Variants in FBN2 observed in about 807,000 individuals in gnomAD.
The protein encoded by FBN2 is fibrillin-2.
In FBN2, 105 loss-of-function variants were observed where a neutral mutation model predicts 355.6. The observed-to-expected ratio is 0.30, with a 90% CI of 0.25 to 0.35. The LOEUF (loss-of-function observed/expected upper bound fraction) is 0.35. Ranked by LOEUF, FBN2 falls within the 10% of genes least tolerant of loss-of-function variation. FBN2 has a pLI of 1.00. For synonymous variants in FBN2, 1,350 were observed against 1,301.2 expected (o/e 1.04, Z -0.81); for missense variants, 3,280 against 3,758.7 (o/e 0.87, Z 3.33).
Position 128,536,390 on chromosome 5 carries a change from C to T in FBN2, c.337+12G>A. 2 of 1,612,060 alleles carry T rather than the reference C, an allele frequency of 1.2e-6. No homozygotes were observed. The highest frequency in any genetic ancestry group is 1.7e-6 in the Non-Finnish European group (2 of 1,178,290). On this transcript the variant is annotated intron_variant, in intron 2 of 64. Coordinates refer to ENST00000262464, the MANE Select transcript of FBN2 (RefSeq NM_001999.4). The stretch of plus-strand genomic sequence containing the variant: ...GCGCTGCCCCAAGCTGCGATCCCTG[C>T]CAAGCACTCACGGACAATGCACTGG...
chr5:128,446,596 TTCA>T lies in FBN2; in HGVS notation c.834_836del (p.Asp278del). 1 of 1,613,626 alleles carries T rather than the reference TTCA, an allele frequency of 6.2e-7. No individual in the cohort carries two copies. The highest frequency in any genetic ancestry group is 1.3e-5 in the African/African-American group (1 of 75,056). ...GGCATATCCCTGGGATAGCCTGGCA[TTCA>T]TCAACATCTGCAAGAAGAAAACATT... On this transcript the variant is annotated inframe_deletion, in exon 7 of 65. Coordinates refer to ENST00000262464, the MANE Select transcript of FBN2 (RefSeq NM_001999.4).
chr5:128,474,030 C>T (rs911130856), intron 5 of FBN2, among the ~76,000 whole-genome samples: 9 of 152,056 alleles, frequency 5.9e-5, no homozygotes, highest in Non-Finnish European at 1.2e-4. Flanking sequence ...ATGAAGAGGC[C>T]GTAACGATAA....
At chr5:128,477,442 G>C (rs1755035534) in intron 5 of FBN2, among the ~76,000 whole-genome samples, 1 of 152,158 alleles carries the variant, frequency 6.6e-6, no homozygotes, top group African/African-American at 2.4e-5. Context: ...GGAATTACGA[G>C]TTGGCTAGCA....
chr5:128,360,660 CAG>C (rs758267736), intron 19 of FBN2, among the ~76,000 whole-genome samples: 8 of 151,764 alleles, frequency 5.3e-5, no homozygotes, highest in South Asian at 2.1e-4. Context: ...TTGACTTCAG[CAG>C]AGTCATTCAT....
chr5:128,269,468 A>C (rs942371660), intron 62 of FBN2, among the ~76,000 whole-genome samples: 15 of 151,276 alleles, frequency 9.9e-5, no homozygotes, highest in African/African-American at 4.9e-5. Context: ...CAAAAAAAAA[A>C]CAAAAACCCA....
intron 62 of FBN2, among the ~76,000 whole-genome samples, chr5:128,268,627 T>A (rs911336833): frequency 1.3e-5 from 2 of 152,072 alleles, no homozygotes; most frequent in Non-Finnish European, 2.9e-5. Flanking sequence ...AAATCCTCAA[T>A]AAAATAGTGG....
chr5:128,419,070 T>C (rs372134141), intron 7 of FBN2, among the ~76,000 whole-genome samples: 3 of 152,236 alleles, frequency 2.0e-5, no homozygotes, highest in African/African-American at 7.2e-5. Flanking sequence ...CTGCTAAATT[T>C]ATTCCTAAGC....
intron 8 of FBN2, among the ~76,000 whole-genome samples, chr5:128,406,254 T>G (rs770281156): frequency 6.6e-6 from 1 of 152,226 alleles, no homozygotes; most frequent in Non-Finnish European, 1.5e-5. Context: ...TGTTCATATC[T>G]TCCACCCACA....
intron 5 of FBN2, among the ~76,000 whole-genome samples, chr5:128,507,935 A>T (rs1489298859): frequency 6.6e-6 from 1 of 151,968 alleles, no homozygotes; most frequent in Non-Finnish European, 1.5e-5. Context: ...TATTTCATGT[A>T]TTTTGAAGCT....
At chr5:128,269,439 A>T (rs1035266109) in intron 62 of FBN2, among the ~76,000 whole-genome samples, 18 of 151,324 alleles carry the variant, frequency 1.2e-4, no homozygotes, top group African/African-American at 4.3e-4. Context: ...GGCCTGGGCG[A>T]CAGAGTGAGA....
chr5:128,393,506 GT>G (rs1752575683), intron 9 of FBN2, 138 bp from the exon 10 acceptor site: 2 of 691,458 alleles, frequency 2.9e-6, no homozygotes, highest in Admixed American at 2.4e-5. Flanking sequence ...CTCAATACAT[GT>G]TTTTAATGCT....
chr5:128,536,911 G>A (rs1295250815), intron 1 of FBN2, among the ~76,000 whole-genome samples: 1 of 152,112 alleles, frequency 6.6e-6, no homozygotes, highest in African/African-American at 2.4e-5. Context: ...GGAGCGCTCG[G>A]GTTGACGATG....
rs1554121027 is a variant in FBN2 at position 128,318,158 on chromosome 5, C to A, written c.4708G>T (p.Gly1570Cys). Reference sequence around the variant, plus strand: ...ATATAGCTTTACTTACCAACACAACCCACACCAGTTGGGTTCAACTGAAAA... The same window carrying A: ...ATATAGCTTTACTTACCAACACAACACACACCAGTTGGGTTCAACTGAAAA... ...PDFQLNPTGV[G>C]CVDNRVGNCY... The change falls in exon 36 of 65, where the codon GGT (glycine) becomes TGT (cysteine). Residue 1570 changes from glycine to cysteine, a missense_variant. Coordinates refer to ENST00000262464, the MANE Select transcript of FBN2 (RefSeq NM_001999.4). 4.3e-6 allele frequency: 7 copies of A among 1,613,946 alleles called. No homozygotes were observed. Among genetic ancestry groups the A allele is most frequent in the South Asian group, 1.1e-5 (1 of 91,082 alleles).
chr5:128,311,881 T>C lies in FBN2; in HGVS notation c.4948+4A>G. ...GAATCTGGGTGACAATGGGATTAGC[T>C]CACCTTCTAAAATGATTGTGATGGG... On this transcript the variant is annotated splice_donor_region_variant and intron_variant, in intron 38 of 64. Transcript: ENST00000262464. The C allele has an allele frequency of 6.2e-7, 1 of 1,603,444 alleles. No homozygotes were observed. The highest frequency in any genetic ancestry group is 8.5e-7 in the Non-Finnish European group (1 of 1,170,402).
rs1302874140 is a variant in FBN2, at chr5:128,361,638, C to T, written c.2554+85G>A. On this transcript the variant is annotated intron_variant, in intron 19 of 64. Transcript: ENST00000262464. ...AAATATTCAAACAATATTCTTTTCA[C>T]TACATTGCTTCATCACTGTAATTGA... 7 of 1,455,664 alleles carry T rather than the reference C, an allele frequency of 4.8e-6. No homozygotes were observed. In the African/African-American group the frequency reaches 9.7e-5, roughly 20 times the overall value. 90.2% of individuals were successfully genotyped at this position (1,455,664 alleles called of 1,614,324 possible). A position where few individuals can be genotyped will look rare whatever the true frequency, so the allele number is the denominator to read the frequency against.
intron 7 of FBN2, among the ~76,000 whole-genome samples, chr5:128,430,001 T>C (rs929090163): frequency 6.6e-6 from 1 of 152,190 alleles, no homozygotes; most frequent in Non-Finnish European, 1.5e-5. Context: ...AAGCAACCTC[T>C]GAGACTTTTT....
intron 5 of FBN2, among the ~76,000 whole-genome samples, chr5:128,472,132 T>C (rs916093364): frequency 1.3e-5 from 2 of 152,160 alleles, no homozygotes; most frequent in African/African-American, 4.8e-5. Flanking sequence ...GACAGATGAA[T>C]AGATAACAAA....
chr5:128,309,094 G>C (rs1749963485), intron 41 of FBN2, among the ~76,000 whole-genome samples, 153 bp downstream of exon 41: 1 of 152,206 alleles, frequency 6.6e-6, no homozygotes. Context: ...ATCCCAAAGA[G>C]GATCACTTGG....
chr5:128,503,741 G>A (rs1309066158), intron 5 of FBN2, among the ~76,000 whole-genome samples: 4 of 152,160 alleles, frequency 2.6e-5, no homozygotes, highest in African/African-American at 7.2e-5. Context: ...CTGACAATGT[G>A]ATAGAAAAGA....
Sources: allele counts gnomAD v4.1 joint callset (sites outside exome capture counted in the v4.1 genomes callset), GRCh38; gene constraint gnomAD v4.1.1; transcripts MANE v1.5; gene names NCBI Gene and HGNC (gene_info 2026-07-23, HGNC 2026-07-21).